Variants in COG8 observed in about 807,000 individuals in gnomAD.
The protein encoded by COG8 is component of oligomeric golgi complex 8.
Under a neutral mutation model 46.5 loss-of-function variants are expected in COG8, and 45 were observed. That is an observed-to-expected ratio of 0.97 (90% CI 0.76 to 1.24). The LOEUF is 1.24. COG8 is among the 50% of genes most tolerant of loss of function. The pLI, the probability that COG8 is intolerant of heterozygous loss-of-function variation, is 0.00. For synonymous variants in COG8, 407 were observed against 347.8 expected (o/e 1.17, Z -1.90); for missense variants, 793 against 820.8 (o/e 0.97, Z 0.41).
intron 5 of COG8, 83 bp from the exon 6 acceptor site, chr16:69,329,262 G>A (rs978928937): frequency 2.9e-6 from 4 of 1,394,310 alleles, no homozygotes; most frequent in Non-Finnish European, 3.7e-6. Context: ...CCCCGGTCCT[G>A]GCTGTTCCCA....
chr16:69,329,249 T>TG (rs1446681710), intron 5 of COG8, 70 bp from the exon 6 acceptor site: 5 of 1,438,836 alleles, frequency 3.5e-6, no homozygotes, highest in African/African-American at 1.5e-5. Flanking sequence ...TCCCTACCCC[T>TG]GCCCCCGGTC....
chr16:69,330,123 G>A (rs990213817), intron 5 of COG8: 14 of 1,577,072 alleles, frequency 8.9e-6, no homozygotes, highest in Middle Eastern at 1.7e-4. Flanking sequence ...AACACGCGCA[G>A]GGGGAAGGGC....
At chr16:69,331,136 T>C in intron 4 of COG8, 41 bp from the exon 5 acceptor site, 10 of 1,609,864 alleles carry the variant, frequency 6.2e-6, no homozygotes, top group Non-Finnish European at 8.5e-6. Flanking sequence ...AAACAGTTAC[T>C]AATAAAACTC....
rs911845749 is a variant in COG8, at chr16:69,330,662, G to C, written c.*26+151C>G. The C allele has an allele frequency of 7.2e-6, 10 of 1,398,418 alleles. No homozygotes were observed. The South Asian group carries it at 1.1e-4, about 15-fold the overall frequency. The allele number at this position is 1,398,418 out of a possible 1,614,324, so 86.6% of individuals were successfully genotyped here. A position where few individuals can be genotyped will look rare whatever the true frequency, so the allele number is the denominator to read the frequency against. Reference sequence around the variant, plus strand: ...CCGTCGGCCAGCACACAGCGAAGCCGCGACTGGATCCCCGCCTTCCTGCTT... The same window carrying C: ...CCGTCGGCCAGCACACAGCGAAGCCCCGACTGGATCCCCGCCTTCCTGCTT... On this transcript the variant is annotated intron_variant, in intron 5 of 5. Transcript: ENST00000306875.
intron 3 of COG8, 119 bp downstream of exon 3, chr16:69,334,402 C>T (rs1011582259): frequency 6.3e-5 from 59 of 937,154 alleles, no homozygotes; most frequent in Non-Finnish European, 8.6e-5. Flanking sequence ...ACCTCCAAAA[C>T]CACACTAGAC....
chr16:69,328,957 G>A lies in COG8; in HGVS notation c.*249C>T. On this transcript the variant is annotated 3_prime_UTR_variant, in exon 6 of 6. Coordinates refer to ENST00000306875, the MANE Select transcript of COG8 (RefSeq NM_032382.5). ...TCCAAGTTGATGCCAAGTAAGATTT[G>A]CCCAGCTCAAAGTGAAAGTGTTTGC... 1.3e-6 allele frequency: 2 copies of A among 1,558,218 alleles called. No homozygotes were observed. The highest frequency in any genetic ancestry group is 1.7e-6 in the Non-Finnish European group (2 of 1,162,520).
At chr16:69,338,989 T>G in intron 1 of COG8, 187 bp downstream of exon 1, 1 of 820,590 alleles carries the variant, frequency 1.2e-6, no homozygotes, top group Non-Finnish European at 1.9e-6. Flanking sequence ...CGAGACTCCG[T>G]CTCAAAAAAG....
At chr16:69,329,789 G>A (rs1464366391) in intron 5 of COG8, among the ~76,000 whole-genome samples, 2 of 152,250 alleles carry the variant, frequency 1.3e-5, no homozygotes, top group Non-Finnish European at 2.9e-5. Flanking sequence ...AGCGGAACTA[G>A]GGGACCTCTC....
At chr16:69,335,850 C>T (rs1455889872) in intron 2 of COG8, among the ~76,000 whole-genome samples, 1 of 151,824 alleles carries the variant, frequency 6.6e-6, no homozygotes, top group Non-Finnish European at 1.5e-5. Context: ...AGCTTAAAAT[C>T]CTCCAGTGAC....
Position 69,332,835 on chromosome 16 carries a change from G to A in COG8, c.1461C>T (p.Phe487=), listed in dbSNP as rs2011970821. The change falls in exon 4 of 6, where the codon TTC becomes TTT. Residue 487 remains phenylalanine, a synonymous_variant. Transcript: ENST00000306875. ...LAFHRAEEAA[F]SSGEQELFVQ... Reference sequence around the variant, plus strand: ...CAAAGAGCTCTTGCTCCCCGCTGCTGAAGGCAGCCTCTTCAGCGCGATGGA... The same window carrying A: ...CAAAGAGCTCTTGCTCCCCGCTGCTAAAGGCAGCCTCTTCAGCGCGATGGA... 2 of 1,614,110 alleles carry A rather than the reference G, an allele frequency of 1.2e-6. No individual in the cohort carries two copies. The highest frequency in any genetic ancestry group is 1.3e-5 in the African/African-American group (1 of 74,936).
At chr16:69,330,789 C>T (rs1375370485) in intron 5 of COG8, 24 bp downstream of exon 5, 2 of 1,506,588 alleles carry the variant, frequency 1.3e-6, no homozygotes, top group Non-Finnish European at 1.8e-6. Flanking sequence ...GTCCTGGCCA[C>T]CCCGCGCCGG....
At position 69,336,684 on chromosome 16, in the gene COG8, T is replaced by C. The variant is rs767956895; in HGVS notation, c.406A>G (p.Ser136Gly). Residue 136 changes from serine (S) to glycine (G), a missense_variant, in exon 2 of 6, where the codon AGC (serine) becomes GGC (glycine). Ser to Gly is a moderately conservative substitution (Grantham distance 56). Transcript: ENST00000306875. ...RNFVKEAEEI[S>G]SNRRMNSLTL... The stretch of plus-strand genomic sequence containing the variant: ...AGGCTATTCATCCGGCGGTTGGAGC[T>C]GATCTCCTCGGCTTCCTTCACAAAG... The C allele has an allele frequency of 6.2e-7, 1 of 1,614,002 alleles. No individual in the cohort carries two copies. The highest frequency in any genetic ancestry group is 1.3e-5 in the African/African-American group (1 of 74,928).
chr16:69,332,857 T>A lies in COG8; in HGVS notation c.1439A>T (p.His480Leu), dbSNP rs1302284179. 4 of 1,614,212 alleles carry A rather than the reference T, an allele frequency of 2.5e-6. No homozygotes were observed. The South Asian group carries it at 3.3e-5, about 13-fold the overall frequency. ...AKVTKIILAF[H>L]RAEEAAFSSG... The stretch of plus-strand genomic sequence containing the variant: ...GCTGAAGGCAGCCTCTTCAGCGCGA[T>A]GGAAGGCCAGGATTATTTTAGTTAC... The change falls in exon 4 of 6, where the codon CAT becomes CTT. Residue 480 changes from histidine to leucine, a missense_variant. Physicochemically the swap from His to Leu is moderately conservative, Grantham distance 99 (BLOSUM62 -3). Coordinates refer to ENST00000306875, the MANE Select transcript of COG8 (RefSeq NM_032382.5).
In COG8 at chr16:69,333,411, T is replaced by C. The variant is rs147063892; in HGVS notation, c.1414-529A>G. On this transcript the variant is annotated intron_variant, in intron 3 of 5. Transcript: ENST00000306875. Reference sequence around the variant, plus strand: ...TGGAGCCCCTGGCTTCAAGAGATCCTCCTACCTCAGCCTCCCAAAGTGTTG... The same window carrying C: ...TGGAGCCCCTGGCTTCAAGAGATCCCCCTACCTCAGCCTCCCAAAGTGTTG... Among the ~76,000 whole-genome samples the C allele has an allele frequency of 2.3e-3, 347 of 152,276 alleles. 5 individuals are homozygous for C. Among genetic ancestry groups the C allele is most frequent in the African/African-American group, 8.2e-3 (341 of 41,546 alleles).
rs780855663 is a variant in COG8, at chr16:69,339,506, G to C, written c.47C>G (p.Ala16Gly). The C allele has an allele frequency of 1.7e-5, 28 of 1,607,204 alleles. No individual in the cohort carries two copies. The highest frequency in any genetic ancestry group is 2.4e-5 in the Non-Finnish European group (28 of 1,179,898). ...TIPSVATATA[A>G]ALGEVEDEGL... is the part of the protein sequence containing the mutation. Reference sequence around the variant, plus strand: ...TTCATCCTCCACCTCGCCGAGAGCCGCTGCTGTGGCCGTGGCTACCGATGG... The same window carrying C: ...TTCATCCTCCACCTCGCCGAGAGCCCCTGCTGTGGCCGTGGCTACCGATGG... The change falls in exon 1 of 6, where the codon GCG (alanine) becomes GGG (glycine). Residue 16 changes from alanine to glycine, a missense_variant. Ala to Gly is a moderately conservative substitution (Grantham distance 60). Coordinates refer to ENST00000306875, the MANE Select transcript of COG8 (RefSeq NM_032382.5).
chr16:69,332,475 A>G lies in COG8; in HGVS notation c.1582+239T>C, dbSNP rs1028803095. Reference sequence around the variant, plus strand: ...ATACAGCCACATAATGTATGATTCCATTTTTATGAAATGTCCAGAAGAGGC... The same window carrying G: ...ATACAGCCACATAATGTATGATTCCGTTTTTATGAAATGTCCAGAAGAGGC... On this transcript the variant is annotated intron_variant, in intron 4 of 5. Coordinates refer to ENST00000306875, the MANE Select transcript of COG8 (RefSeq NM_032382.5). 9 of 613,176 alleles carry G rather than the reference A, an allele frequency of 1.5e-5. No individual in the cohort carries two copies. The African/African-American group carries it at 1.7e-4, about 11-fold the overall frequency. The allele number at this position is 613,176 out of a possible 1,614,324, so 38.0% of individuals were successfully genotyped here. A position where few individuals can be genotyped will look rare whatever the true frequency, so the allele number is the denominator to read the frequency against.
In COG8 at chr16:69,330,360, C is replaced by T. The variant is rs902158624; in HGVS notation, c.*26+453G>A. ...GCCACGCCGCGCAGCACCGGGTCCC[C>T]GACTTGGCACACGTGCGAGAACGGC... On this transcript the variant is annotated intron_variant, in intron 5 of 5. Transcript: ENST00000306875. The T allele has an allele frequency of 1.6e-5, 23 of 1,476,550 alleles. No individual in the cohort carries two copies. Among genetic ancestry groups the T allele is most frequent in the African/African-American group, 4.4e-5 (3 of 68,250 alleles). The allele number at this position is 1,476,550 out of a possible 1,614,324, so 91.5% of individuals were successfully genotyped here. A position where few individuals can be genotyped will look rare whatever the true frequency, so the allele number is the denominator to read the frequency against.
intron 3 of COG8, 99 bp from the exon 4 acceptor site, chr16:69,332,981 C>T: frequency 9.0e-7 from 1 of 1,116,794 alleles, no homozygotes; most frequent in South Asian, 1.3e-5. Flanking sequence ...CTCCAGTTTT[C>T]CTGAACAAAG....
At position 69,331,111 on chromosome 16, in the gene COG8, G is replaced by A; in HGVS notation, c.1583-16C>T. On this transcript the variant is annotated splice_polypyrimidine_tract_variant and intron_variant, in intron 4 of 5. Coordinates refer to ENST00000306875, the MANE Select transcript of COG8 (RefSeq NM_032382.5). ...GGAGGAATGCCTAACCCAGACGTGG[G>A]GAAAGCAAAATGGAAAACAGTTACT... The A allele has an allele frequency of 6.2e-7, 1 of 1,613,518 alleles. No homozygotes were observed. The highest frequency in any genetic ancestry group is 8.5e-7 in the Non-Finnish European group (1 of 1,179,850).
Sources: allele counts gnomAD v4.1 joint callset (sites outside exome capture counted in the v4.1 genomes callset), GRCh38; gene constraint gnomAD v4.1.1; transcripts MANE v1.5; gene names NCBI Gene and HGNC (gene_info 2026-07-23, HGNC 2026-07-21).